ARSB: variants seen among roughly 807,000 people sequenced by gnomAD.
The protein encoded by ARSB is arylsulfatase B.
In ARSB, 41 loss-of-function variants were observed where a neutral mutation model predicts 50.9. The ratio of observed to expected loss-of-function variants is 0.81; its 90% confidence interval spans 0.63 to 1.04. The LOEUF is 1.04. Ranked by LOEUF, ARSB falls within the 50% of genes least tolerant of loss-of-function variation. ARSB has a pLI of 0.00. For synonymous variants in ARSB, 269 were observed against 284.8 expected (o/e 0.94, Z 0.56); for missense variants, 672 against 693.3 (o/e 0.97, Z 0.35).
intron 4 of ARSB, among the ~76,000 whole-genome samples, chr5:78,896,411 T>A (rs887686817): frequency 2.0e-5 from 3 of 152,142 alleles, no homozygotes. Flanking sequence ...CTGAATTGAC[T>A]GGAACCAGGT....
chr5:78,954,979 G>A (rs1443844165), intron 4 of ARSB, among the ~76,000 whole-genome samples: 3 of 152,112 alleles, frequency 2.0e-5, no homozygotes, highest in Non-Finnish European at 4.4e-5. Flanking sequence ...AGAGAGAGCT[G>A]GGAACAAGCC....
At chr5:78,901,340 A>T (rs1748797232) in intron 4 of ARSB, among the ~76,000 whole-genome samples, 1 of 152,224 alleles carries the variant, frequency 6.6e-6, no homozygotes, top group South Asian at 2.1e-4. Flanking sequence ...CACAAACATG[A>T]TGATAAAGTG....
intron 6 of ARSB, among the ~76,000 whole-genome samples, chr5:78,809,256 T>G (rs1449254577): frequency 1.3e-5 from 2 of 152,134 alleles, no homozygotes; most frequent in African/African-American, 4.8e-5. Context: ...TCAGAGCGGC[T>G]GGGAAGGACT....
At chr5:78,803,486 T>G (rs777131784) in intron 6 of ARSB, among the ~76,000 whole-genome samples, 1 of 152,192 alleles carries the variant, frequency 6.6e-6, no homozygotes, top group African/African-American at 2.4e-5. Context: ...TGAAGCTGGG[T>G]CCTGGCAAAG....
chr5:78,941,727 A>G (rs999059528), intron 4 of ARSB, among the ~76,000 whole-genome samples: 2 of 152,070 alleles, frequency 1.3e-5, no homozygotes, highest in African/African-American at 4.8e-5. Flanking sequence ...CATCAAGGAT[A>G]TTGGTCTAAA....
At chr5:78,848,641 T>C (rs543391003) in intron 5 of ARSB, among the ~76,000 whole-genome samples, 2,206 of 150,810 alleles carry the variant, frequency 0.015, 62 homozygotes, top group African/African-American at 0.053. Flanking sequence ...TGAGGAATCA[T>C]CACACTGACT....
intron 6 of ARSB, among the ~76,000 whole-genome samples, chr5:78,788,107 G>A (rs993773162): frequency 2.0e-5 from 3 of 152,210 alleles, no homozygotes; most frequent in Non-Finnish European, 2.9e-5. Flanking sequence ...CTTGATGAAT[G>A]AGCAGAAGCT....
intron 4 of ARSB, among the ~76,000 whole-genome samples, chr5:78,897,412 G>C (rs1748614016): frequency 6.6e-6 from 1 of 152,184 alleles, no homozygotes; most frequent in African/African-American, 2.4e-5. Context: ...GAGATAGGTA[G>C]TGACCTCTCT....
At chr5:78,879,940 A>T (rs1747666713) in intron 5 of ARSB, among the ~76,000 whole-genome samples, 1 of 151,384 alleles carries the variant, frequency 6.6e-6, no homozygotes, top group Non-Finnish European at 1.5e-5. Context: ...AAGTCTTGAA[A>T]TGTATGATCA....
At chr5:78,799,449 A>G (rs1225772516) in intron 6 of ARSB, among the ~76,000 whole-genome samples, 2 of 152,204 alleles carry the variant, frequency 1.3e-5, no homozygotes, top group Non-Finnish European at 2.9e-5. Flanking sequence ...GAGGGGCAGG[A>G]TCTGAAGCTG....
At chr5:78,937,401 G>GAT (rs200579568) in intron 4 of ARSB, among the ~76,000 whole-genome samples, 2 of 131,362 alleles carry the variant, frequency 1.5e-5, no homozygotes, top group Non-Finnish European at 3.1e-5. Context: ...ATATATGTAA[G>GAT]ATATATATAT....
chr5:78,932,375 G>C (rs73769397), intron 4 of ARSB, among the ~76,000 whole-genome samples: 4,741 of 152,322 alleles, frequency 0.031, 260 homozygotes, highest in African/African-American at 0.11. Flanking sequence ...AAGTGTAAGA[G>C]ACAAGGCTAA....
intron 6 of ARSB, among the ~76,000 whole-genome samples, chr5:78,799,596 C>T (rs1018666617): frequency 6.6e-6 from 1 of 152,166 alleles, no homozygotes; most frequent in African/African-American, 2.4e-5. Context: ...AACCCGCATA[C>T]GGAAAACCAA....
chr5:78,843,190 C>T (rs1160842764), intron 5 of ARSB, among the ~76,000 whole-genome samples: 1 of 152,158 alleles, frequency 6.6e-6, no homozygotes, highest in Non-Finnish European at 1.5e-5. Context: ...ATCTGGGGAG[C>T]TTGTTAAACT....
Position 78,907,926 on chromosome 5 carries a change from T to C in ARSB, c.899-22099A>G, listed in dbSNP as rs372257789. Reference sequence around the variant, plus strand: ...CCAGTTTTGAGCCCATCAGTTACCATACACTGCACTACAGAAGGATAATTA... The same window carrying C: ...CCAGTTTTGAGCCCATCAGTTACCACACACTGCACTACAGAAGGATAATTA... On this transcript the variant is annotated intron_variant, in intron 4 of 7. Coordinates refer to ENST00000264914, the MANE Select transcript of ARSB (RefSeq NM_000046.5). 1.6e-4 allele frequency among the ~76,000 whole-genome samples: 25 copies of C among 152,214 alleles called. No homozygotes were observed. In the East Asian group the frequency reaches 3.1e-3, roughly 19 times the overall value.
At chr5:78,956,662 G>T (rs1312911446) in intron 3 of ARSB, among the ~76,000 whole-genome samples, 2 of 152,094 alleles carry the variant, frequency 1.3e-5, no homozygotes, top group Admixed American at 1.3e-4. Context: ...CATATTAAAT[G>T]TTGTCTACAT....
intron 5 of ARSB, among the ~76,000 whole-genome samples, chr5:78,868,190 T>G (rs1746910429): frequency 7.1e-6 from 1 of 140,380 alleles, no homozygotes; most frequent in Non-Finnish European, 1.5e-5. Flanking sequence ...GTCTGATTGG[T>G]GTACCTGAAA....
chr5:78,940,998 A>C (rs564355646), intron 4 of ARSB, among the ~76,000 whole-genome samples: 5,173 of 151,700 alleles, frequency 0.034, 258 homozygotes, highest in African/African-American at 0.12. Flanking sequence ...GAGGTCCTTC[A>C]CATCCCTTGT....
At chr5:78,966,244 A>C (rs1252832450) in intron 2 of ARSB, among the ~76,000 whole-genome samples, 1 of 152,260 alleles carries the variant, frequency 6.6e-6, no homozygotes, top group Non-Finnish European at 1.5e-5. Context: ...ATACTTGGCA[A>C]AACTAATACC....
Sources: gnomAD v4.1 joint callset for allele counts (sites outside exome capture counted in the v4.1 genomes callset) on GRCh38, gnomAD v4.1.1 for gene constraint, MANE v1.5 for transcripts, NCBI Gene and HGNC (gene_info 2026-07-23, HGNC 2026-07-21) for gene names.